COL10A1: variants seen among roughly 807,000 people sequenced by gnomAD.
The protein encoded by COL10A1 is collagen type X alpha 1 chain, also known as collagen alpha-1(X) chain.
COL10A1 carries 10 observed loss-of-function variants against 18.2 expected under a neutral mutation model. The observed-to-expected ratio is 0.55, with a 90% CI of 0.34 to 0.93. COL10A1 has a LOEUF of 0.93. Among genes scored for constraint, COL10A1 ranks in the 40% least tolerant of loss-of-function variants. The probability of loss-of-function intolerance (pLI) is 0.02; values close to 1 mark genes in which losing one functional copy is unlikely to be tolerated. For missense variants in COL10A1, 897 were observed against 853.5 expected, an observed-to-expected ratio of 1.05 and a Z score of -0.64; for synonymous variants, 330 against 316.6, an observed-to-expected ratio of 1.04 and a Z score of -0.45.
At chr6:116,180,042 G>A in the COL10A1 span, among the ~76,000 whole-genome samples, 15 of 152,102 alleles carry the variant, frequency 9.9e-5, no homozygotes, top group East Asian at 5.8e-4. Context: ...GCAAAATACC[G>A]TGGTGTTCTC....
At chr6:116,208,882 TAA>T in the COL10A1 span, among the ~76,000 whole-genome samples, 1 of 152,008 alleles carries the variant, frequency 6.6e-6, no homozygotes, top group African/African-American at 2.4e-5. Flanking sequence ...TAGAATATAC[TAA>T]TAGAGAACCC....
chr6:116,169,212 T>C, the COL10A1 span, among the ~76,000 whole-genome samples: 1 of 152,230 alleles, frequency 6.6e-6, no homozygotes, highest in African/African-American at 2.4e-5. Context: ...TAAATCTTCA[T>C]TGACATTTTG....
At chr6:116,192,160 A>G in the COL10A1 span, among the ~76,000 whole-genome samples, 2 of 152,102 alleles carry the variant, frequency 1.3e-5, no homozygotes, top group Admixed American at 1.3e-4. Context: ...AAATGGTGTG[A>G]GTTCAGAGTT....
chr6:116,149,685 C>T (rs1779987079), intron 1 of COL10A1, among the ~76,000 whole-genome samples: 1 of 152,160 alleles, frequency 6.6e-6, no homozygotes. Flanking sequence ...AATATTTGAA[C>T]TTAGTGTTGA....
the COL10A1 span, among the ~76,000 whole-genome samples, chr6:116,165,195 A>G: frequency 3.9e-5 from 6 of 151,966 alleles, 1 homozygote; most frequent in East Asian, 7.7e-4. Flanking sequence ...GTTTCTGCTA[A>G]GAAATCTGCT....
At chr6:116,151,016 G>C (rs1425766398) in intron 1 of COL10A1, among the ~76,000 whole-genome samples, 1 of 152,142 alleles carries the variant, frequency 6.6e-6, no homozygotes, top group Non-Finnish European at 1.5e-5. Context: ...ACAACTCTTT[G>C]TGGCATTTAA....
In COL10A1 at chr6:116,121,142, T is replaced by A; in HGVS notation, c.974A>T (p.Gln325Leu). ...CTTCCCAGGAAGACCTGCTGGCCCT[T>A]GTTCCCCTTTGGCACCTGGACCCCC... The part of the protein sequence containing the change: ...LPGGPGAKGE[Q>L]GPAGLPGKPG... Residue 325 changes from glutamine (Q) to leucine (L), a missense_variant, in exon 3 of 3, where the codon CAA (glutamine) becomes CTA (leucine). Gln to Leu is a moderately radical substitution (Grantham distance 113). Transcript: ENST00000651968. 6.2e-7 allele frequency: 1 copy of A among 1,613,276 alleles called. No homozygotes were observed. The highest frequency in any genetic ancestry group is 8.5e-7 in the Non-Finnish European group (1 of 1,179,612).
the COL10A1 span, among the ~76,000 whole-genome samples, chr6:116,169,056 C>T: frequency 6.6e-6 from 1 of 152,162 alleles, no homozygotes; most frequent in Non-Finnish European, 1.5e-5. Context: ...ATTTTTTGTC[C>T]TCCAAGCCTC....
At chr6:116,206,775 T>C in the COL10A1 span, among the ~76,000 whole-genome samples, 1 of 152,014 alleles carries the variant, frequency 6.6e-6, no homozygotes, top group Non-Finnish European at 1.5e-5. Flanking sequence ...TTCTTTGCCA[T>C]AGTTTTTAGA....
upstream of COL10A1, among the ~76,000 whole-genome samples, chr6:116,129,450 A>G (rs1226560780): frequency 6.6e-6 from 1 of 152,322 alleles, no homozygotes; most frequent in South Asian, 2.1e-4. Context: ...TGCGAGGACT[A>G]TGCCCTCATA....
intron 1 of COL10A1, chr6:116,145,469 T>C (rs1260873285): frequency 2.6e-6 from 1 of 385,604 alleles, no homozygotes. Context: ...TGCTTCAGGA[T>C]ATATCTACAA....
the COL10A1 span, among the ~76,000 whole-genome samples, chr6:116,200,180 G>T: frequency 6.6e-6 from 1 of 151,898 alleles, no homozygotes; most frequent in Non-Finnish European, 1.5e-5. Flanking sequence ...GAAAAAGTCA[G>T]ACAAATCCCA....
chr6:116,206,728 GT>G, the COL10A1 span, among the ~76,000 whole-genome samples: 3 of 151,918 alleles, frequency 2.0e-5, no homozygotes, highest in Non-Finnish European at 2.9e-5. Flanking sequence ...TCCTTTTGAT[GT>G]TTTAAATGGA....
the COL10A1 span, among the ~76,000 whole-genome samples, chr6:116,212,945 T>G: frequency 6.6e-6 from 1 of 152,296 alleles, no homozygotes; most frequent in Middle Eastern, 3.4e-3. Flanking sequence ...TAGAAACCTT[T>G]GAGTTATTTT....
chr6:116,139,814 A>G (rs1037088737), intron 1 of COL10A1, among the ~76,000 whole-genome samples: 1 of 152,164 alleles, frequency 6.6e-6, no homozygotes, highest in African/African-American at 2.4e-5. Context: ...TGTGAGGGCC[A>G]TTTGTATAAA....
chr6:116,162,184 A>G (rs1352751128), upstream of COL10A1, among the ~76,000 whole-genome samples: 1 of 152,146 alleles, frequency 6.6e-6, no homozygotes, highest in Non-Finnish European at 1.5e-5. Flanking sequence ...TGGAGGAATC[A>G]TTTGGGTTTT....
chr6:116,204,655 A>G, the COL10A1 span, among the ~76,000 whole-genome samples: 1 of 152,030 alleles, frequency 6.6e-6, no homozygotes, highest in Non-Finnish European at 1.5e-5. Flanking sequence ...ACATGGACTC[A>G]GATACAATGT....
the COL10A1 span, among the ~76,000 whole-genome samples, chr6:116,167,048 A>G: frequency 6.6e-6 from 1 of 152,200 alleles, no homozygotes; most frequent in Non-Finnish European, 1.5e-5. Flanking sequence ...TTTGCCCCCA[A>G]GAAAATTAAA....
At chr6:116,124,803 G>A (rs1422304635) in intron 2 of COL10A1, among the ~76,000 whole-genome samples, 1 of 152,136 alleles carries the variant, frequency 6.6e-6, no homozygotes, top group Non-Finnish European at 1.5e-5. Flanking sequence ...GAGAATTGCA[G>A]TTTCATTTGC....
Sources: allele counts gnomAD v4.1 joint callset (sites outside exome capture counted in the v4.1 genomes callset), GRCh38; gene constraint gnomAD v4.1.1; transcripts MANE v1.5; gene names NCBI Gene and HGNC (gene_info 2026-07-23, HGNC 2026-07-21).